Variants in DAXX observed in about 807,000 individuals in gnomAD.
DAXX encodes the protein death domain-associated protein 6.
DAXX carries 24 observed loss-of-function variants against 61.9 expected under a neutral mutation model. The observed-to-expected ratio is 0.39, with a 90% confidence interval of 0.28 to 0.55. The LOEUF is 0.55. Among genes scored for constraint, DAXX ranks in the 20% least tolerant of loss-of-function variants. DAXX has a pLI of 0.69. For synonymous variants in DAXX, 357 were observed against 369.5 expected, an observed-to-expected ratio of 0.97 and a Z score of 0.39; for missense variants, 819 against 935.3, an observed-to-expected ratio of 0.88 and a Z score of 1.62.
In DAXX at chr6:33,321,324, T is replaced by C. The variant is rs139785488; in HGVS notation, c.451A>G (p.Thr151Ala). ...KKLNLAPAATTSNEPSGNNPP... is the reference protein window; with the variant it reads ...KKLNLAPAATASNEPSGNNPP... Reference sequence around the variant, plus strand: ...TTATTCCCAGAGGGCTCATTGGAGGTGGTGGCGGCAGGGGCCAAGTTCAGC... The same window carrying C: ...TTATTCCCAGAGGGCTCATTGGAGGCGGTGGCGGCAGGGGCCAAGTTCAGC... The change falls in exon 3 of 8, where the codon ACC becomes GCC. Residue 151 changes from threonine to alanine, a missense_variant. Coordinates refer to ENST00000374542, the MANE Select transcript of DAXX (RefSeq NM_001141969.2). This position sits in a 1 kb window ranked among gnomAD's most constrained non-coding sequence, Gnocchi z 7.2. The C allele has an allele frequency of 9.3e-6, 15 of 1,610,318 alleles. No homozygotes were observed. The highest frequency in any genetic ancestry group is 1.0e-5 in the Non-Finnish European group (12 of 1,177,374).
Position 33,319,593 on chromosome 6 carries a change from A to C in DAXX, c.1727T>G (p.Leu576Arg). ...LFELEIEALP[L>R]DTPSSVETDI... is the part of the protein sequence containing the mutation. ...CGTCTCCACAGAGGAAGGGGTATCCAGGGGCAAAGCTTCAATCTCTAGCTC... is the reference window on the plus strand; with the variant it reads ...CGTCTCCACAGAGGAAGGGGTATCCCGGGGCAAAGCTTCAATCTCTAGCTC... The change falls in exon 6 of 8, where the codon CTG (leucine) becomes CGG (arginine). Residue 576 changes from leucine to arginine, a missense_variant. By Grantham distance (102) the Leu-to-Arg change is moderately radical (BLOSUM62 -2). Transcript: ENST00000374542. 1 of 1,614,198 alleles carries C rather than the reference A, an allele frequency of 6.2e-7. No homozygotes were observed. The highest frequency in any genetic ancestry group is 1.1e-5 in the South Asian group (1 of 91,082).
rs781302619 is a variant in DAXX, at chr6:33,321,581, G to A, written c.208-14C>T. On this transcript the variant is annotated splice_polypyrimidine_tract_variant and intron_variant, in intron 2 of 7. Coordinates refer to ENST00000374542, the MANE Select transcript of DAXX (RefSeq NM_001141969.2). This position sits in a 1 kb window ranked among gnomAD's most constrained non-coding sequence, Gnocchi z 7.2. Reference sequence around the variant, plus strand: ...AAGTTCAAGGAACTAGAAGGTTCAGGGGAAGAAGGAAGGGGAAGAGAGACA... The same window carrying A: ...AAGTTCAAGGAACTAGAAGGTTCAGAGGAAGAAGGAAGGGGAAGAGAGACA... 29 of 1,608,860 alleles carry A rather than the reference G, an allele frequency of 1.8e-5. 1 individual carries two copies. The South Asian group carries it at 3.1e-4, about 17-fold the overall frequency.
rs2150986833 is a variant in DAXX, at chr6:33,319,004, G to A, written c.2156C>T (p.Thr719Ile). ...ACGCCCTCCCCTTCTTACCTTGCAA[G>A]TACCAGGCCGAGGAGGCTGTGAATG... ...TPHSQPPRPG[T>I]CKTSVATQCD... is the part of the protein sequence containing the mutation. Residue 719 changes from threonine to isoleucine, a missense_variant, in exon 7 of 8, where the codon ACT becomes ATT. Thr to Ile is a moderately conservative substitution (Grantham distance 89). Transcript: ENST00000374542. 1 of 1,612,708 alleles carries A rather than the reference G, an allele frequency of 6.2e-7. No individual in the cohort carries two copies.
In DAXX at chr6:33,320,420, T is replaced by C. The variant is rs1317695873; in HGVS notation, c.1211A>G (p.His404Arg). 1.2e-6 allele frequency: 2 copies of C among 1,613,582 alleles called. No individual in the cohort carries two copies. Among genetic ancestry groups the C allele is most frequent in the African/African-American group, 2.7e-5 (2 of 74,880 alleles). ...GGAGGCTTCGGGGGTGTCTGCAGAG[T>C]GGGAAGAGGTGCCTTGGAGCCGAGC... Reference protein sequence around the residue: ...RRARLQGTSSHSADTPEASLD... With the variant: ...RRARLQGTSSRSADTPEASLD... Residue 404 changes from histidine (H) to arginine (R), a missense_variant, in exon 4 of 8, where the codon CAC (histidine) becomes CGC (arginine). His to Arg is a conservative substitution (Grantham distance 29). Coordinates refer to ENST00000374542, the MANE Select transcript of DAXX (RefSeq NM_001141969.2). This position sits in a 1 kb window ranked among gnomAD's most constrained non-coding sequence, Gnocchi z 7.1.
rs764574443 is a variant in DAXX at position 33,320,392 on chromosome 6, C to G, written c.1239G>C (p.Leu413Phe). ...ACCCCATCCACACCTCACCAGAATCCAAGGAGGCTTCGGGGGTGTCTGCAG... is the reference window on the plus strand; with the variant it reads ...ACCCCATCCACACCTCACCAGAATCGAAGGAGGCTTCGGGGGTGTCTGCAG... ...SHSADTPEAS[L>F]DSGEGPSGMA... Residue 413 changes from leucine to phenylalanine, a missense_variant, in exon 4 of 8, where the codon TTG (leucine) becomes TTC (phenylalanine). Physicochemically the swap from Leu to Phe is conservative, Grantham distance 22. Coordinates refer to ENST00000374542, the MANE Select transcript of DAXX (RefSeq NM_001141969.2). This position sits in a 1 kb window ranked among gnomAD's most constrained non-coding sequence, Gnocchi z 7.1. 6.2e-7 allele frequency: 1 copy of G among 1,611,430 alleles called. No homozygotes were observed. Among genetic ancestry groups the G allele is most frequent in the Non-Finnish European group, 8.5e-7 (1 of 1,177,496 alleles).
chr6:33,322,017 T>C, intron 1 of DAXX, 40 bp from the exon 2 acceptor site: 2 of 1,444,566 alleles, frequency 1.4e-6, no homozygotes, highest in African/African-American at 1.4e-5. Flanking sequence ...CCCTCCAGCA[T>C]AGCCCCATCC....
intron 1 of DAXX, among the ~76,000 whole-genome samples, chr6:33,322,303 T>G (rs991697013): frequency 6.6e-6 from 1 of 152,010 alleles, no homozygotes; most frequent in African/African-American, 2.4e-5. Context: ...CAAATCGTCC[T>G]GACACCCCCT....
At position 33,321,405 on chromosome 6, in the gene DAXX, A is replaced by G; in HGVS notation, c.370T>C (p.Tyr124His). Residue 124 changes from tyrosine (Y) to histidine (H), a missense_variant, in exon 3 of 8, where the codon TAT (tyrosine) becomes CAT (histidine). Physicochemically the swap from Tyr to His is moderately conservative, Grantham distance 83 (BLOSUM62 2). Coordinates refer to ENST00000374542, the MANE Select transcript of DAXX (RefSeq NM_001141969.2). This position sits in a 1 kb window ranked among gnomAD's most constrained non-coding sequence, Gnocchi z 7.2. ...SRARSRPAKL[Y>H]VYINELCTVL... is the part of the protein sequence containing the mutation. Reference sequence around the variant, plus strand: ...GTGCAGAGCTCATTGATGTAGACATAGAGCTTGGCTGGCCGGCTCCGGGCC... The same window carrying G: ...GTGCAGAGCTCATTGATGTAGACATGGAGCTTGGCTGGCCGGCTCCGGGCC... The G allele has an allele frequency of 1.2e-6, 2 of 1,613,738 alleles. No homozygotes were observed. The highest frequency in any genetic ancestry group is 1.7e-6 in the Non-Finnish European group (2 of 1,179,622).
rs768909481 is a variant in DAXX, at chr6:33,321,187, C to A, written c.588G>T (p.Ala196=). 1 of 1,613,182 alleles carries A rather than the reference C, an allele frequency of 6.2e-7. No individual in the cohort carries two copies. The highest frequency in any genetic ancestry group is 8.5e-7 in the Non-Finnish European group (1 of 1,179,130). ...GCCGCCGGATCTCTGCCACATAGAG[C>A]GCCAGCAGCTGCTCCAAACGCTGGA... ...RQIQRLEQLL[A]LYVAEIRRLQ... Residue 196 remains alanine, a synonymous_variant, in exon 3 of 8, where the codon GCG becomes GCT. Coordinates refer to ENST00000374542, the MANE Select transcript of DAXX (RefSeq NM_001141969.2). The surrounding 1 kb of genome is among the most constrained non-coding windows in gnomAD (Gnocchi z 7.2).
chr6:33,318,749 A>T lies in DAXX; in HGVS notation c.2217T>A (p.Ser739=), dbSNP rs754146767. The T allele has an allele frequency of 1.3e-6, 2 of 1,499,824 alleles. No homozygotes were observed. Among genetic ancestry groups the T allele is most frequent in the Non-Finnish European group, 1.8e-6 (2 of 1,096,600 alleles). 92.9% of individuals were successfully genotyped at this position (1,499,824 alleles called of 1,614,324 possible). A position where few individuals can be genotyped will look rare whatever the true frequency, so the allele number is the denominator to read the frequency against. ...DPEEIIVLSD[S]D ...CAGGGAGAAGGGGAGGCAGCTAATC[A>T]GAGTCTGAGAGCACGATGATCTCTT... Residue 739 remains serine (S), a synonymous_variant, in exon 8 of 8, where the codon TCT becomes TCA. Coordinates refer to ENST00000374542, the MANE Select transcript of DAXX (RefSeq NM_001141969.2).
rs1209335664 is a variant in DAXX, at chr6:33,319,434, CA to C, written c.1885del (p.Cys629AlafsTer16). On this transcript the variant is annotated frameshift_variant, in exon 6 of 8. Coordinates refer to ENST00000374542, the MANE Select transcript of DAXX (RefSeq NM_001141969.2). LOFTEE classifies it high-confidence loss of function. ...CTTCTTCTCCTTCCGAGATTTTTTG[CA>C]GGGGGGACCAGAATCTCCCCAGTTG... is the stretch of plus-strand genomic sequence containing the variant. ...PHNWGDSGPP[C>X]KKSRKEKKQT... 1 of 1,613,192 alleles carries C rather than the reference CA, an allele frequency of 6.2e-7. No homozygotes were observed.
At position 33,321,539 on chromosome 6, in the gene DAXX, G is replaced by A. The variant is rs2150998625; in HGVS notation, c.236C>T (p.Ala79Val). 16 of 1,613,914 alleles carry A rather than the reference G, an allele frequency of 9.9e-6. No individual in the cohort carries two copies. Among genetic ancestry groups the A allele is most frequent in the Non-Finnish European group, 1.4e-5 (16 of 1,179,938 alleles). The change falls in exon 3 of 8, where the codon GCA becomes GTA. Residue 79 changes from alanine to valine, a missense_variant. By Grantham distance (64) the Ala-to-Val change is moderately conservative (BLOSUM62 0). Transcript: ENST00000374542. This position sits in a 1 kb window ranked among gnomAD's most constrained non-coding sequence, Gnocchi z 7.2. ...EFLELCKMQT[A>V]DHPEVVPFLY... ...GAATGGGACCACCTCAGGGTGGTCT[G>A]CTGTCTGCATCTTACAAAGTTCAAG... is the stretch of plus-strand genomic sequence containing the variant.
intron 1 of DAXX, 42 bp from the exon 2 acceptor site, chr6:33,322,019 GC>G: frequency 7.0e-7 from 1 of 1,426,094 alleles, no homozygotes; most frequent in South Asian, 1.4e-5. Context: ...CTCCAGCATA[GC>G]CCCATCCCTT....
At chr6:33,319,915 G>C (rs1770333833) in intron 5 of DAXX, 61 bp from the exon 6 acceptor site, 1 of 1,598,928 alleles carries the variant, frequency 6.3e-7, no homozygotes, top group Non-Finnish European at 8.5e-7. Context: ...ATACTGCTGA[G>C]AGGACACTAG....
Position 33,320,957 on chromosome 6 carries a change from C to T in DAXX, c.818G>A (p.Arg273Gln), listed in dbSNP as rs778068396. ...ATCAGGCCCTGGCTTGTTGATGAGC[C>T]GCTCAATGCGCCTGTTAACCTCTGG... The part of the protein sequence containing the change: ...RYPEVNRRIE[R>Q]LINKPGPDTF... Residue 273 changes from arginine to glutamine, a missense_variant, in exon 3 of 8, where the codon CGG (arginine) becomes CAG (glutamine). Physicochemically the swap from Arg to Gln is conservative, Grantham distance 43. Coordinates refer to ENST00000374542, the MANE Select transcript of DAXX (RefSeq NM_001141969.2). The surrounding 1 kb of genome is among the most constrained non-coding windows in gnomAD (Gnocchi z 7.1). 5.0e-6 allele frequency: 8 copies of T among 1,613,884 alleles called. No homozygotes were observed. The highest frequency in any genetic ancestry group is 2.2e-5 in the East Asian group (1 of 44,896).
Position 33,320,352 on chromosome 6 carries a change from C to T in DAXX, c.1251+28G>A. ...GGCCAGTGCAGGGGAAGGACAATGTCTCTCTGAAGGCTGTACCCCATCCAC... is the reference window on the plus strand; with the variant it reads ...GGCCAGTGCAGGGGAAGGACAATGTTTCTCTGAAGGCTGTACCCCATCCAC... On this transcript the variant is annotated intron_variant, in intron 4 of 7. Transcript: ENST00000374542. The surrounding 1 kb of genome is among the most constrained non-coding windows in gnomAD (Gnocchi z 7.1). 1 of 1,534,650 alleles carries T rather than the reference C, an allele frequency of 6.5e-7. No individual in the cohort carries two copies. The highest frequency in any genetic ancestry group is 1.7e-4 in the Middle Eastern group (1 of 5,926).
Position 33,321,051 on chromosome 6 carries a change from G to A in DAXX, c.724C>T (p.Leu242=). 1 of 1,614,048 alleles carries A rather than the reference G, an allele frequency of 6.2e-7. No individual in the cohort carries two copies. The highest frequency in any genetic ancestry group is 1.7e-5 in the Admixed American group (1 of 60,026). ...CCGGTCAGTGAAGAGCAGTCTTTCA[G>A]CTCACATAGTCGCCCAAAGAGGCGG... ...LIRLFGRLCE[L]KDCSSLTGRV... Residue 242 remains leucine, a synonymous_variant, in exon 3 of 8, where the codon CTG becomes TTG. Coordinates refer to ENST00000374542, the MANE Select transcript of DAXX (RefSeq NM_001141969.2). The surrounding 1 kb of genome is among the most constrained non-coding windows in gnomAD (Gnocchi z 7.2).
chr6:33,321,172 C>A lies in DAXX; in HGVS notation c.603G>T (p.Glu201Asp). The A allele has an allele frequency of 6.2e-7, 1 of 1,613,776 alleles. No individual in the cohort carries two copies. The highest frequency in any genetic ancestry group is 8.5e-7 in the Non-Finnish European group (1 of 1,179,650). ...ACTCCTTTTCCTGCAGCCGCCGGAT[C>A]TCTGCCACATAGAGCGCCAGCAGCT... The part of the protein sequence containing the change: ...LEQLLALYVA[E>D]IRRLQEKELD... Residue 201 changes from glutamate to aspartate, a missense_variant, in exon 3 of 8, where the codon GAG (glutamate) becomes GAT (aspartate). Physicochemically the swap from Glu to Asp is conservative, Grantham distance 45. Transcript: ENST00000374542. The surrounding 1 kb of genome is among the most constrained non-coding windows in gnomAD (Gnocchi z 7.2).
Position 33,321,168 on chromosome 6 carries a change from G to A in DAXX, c.607C>T (p.Arg203Trp), listed in dbSNP as rs746835251. Residue 203 changes from arginine (R) to tryptophan (W), a missense_variant, in exon 3 of 8, where the codon CGG (arginine) becomes TGG (tryptophan). Arg to Trp is a moderately radical substitution (Grantham distance 101). Coordinates refer to ENST00000374542, the MANE Select transcript of DAXX (RefSeq NM_001141969.2). The surrounding 1 kb of genome is among the most constrained non-coding windows in gnomAD (Gnocchi z 7.2). ...TCCAACTCCTTTTCCTGCAGCCGCCGGATCTCTGCCACATAGAGCGCCAGC... is the reference window on the plus strand; with the variant it reads ...TCCAACTCCTTTTCCTGCAGCCGCCAGATCTCTGCCACATAGAGCGCCAGC... ...QLLALYVAEI[R>W]RLQEKELDLS... 10 of 1,613,638 alleles carry A rather than the reference G, an allele frequency of 6.2e-6. No homozygotes were observed. Among genetic ancestry groups the A allele is most frequent in the Middle Eastern group, 1.7e-4 (1 of 6,060 alleles).
Sources: gnomAD v4.1 joint callset for allele counts (sites outside exome capture counted in the v4.1 genomes callset) on GRCh38, gnomAD v4.1.1 for gene constraint, Gnocchi (gnomAD v3.1) non-coding constraint, MANE v1.5 for transcripts, NCBI Gene and HGNC (gene_info 2026-07-23, HGNC 2026-07-21) for gene names.